Variants in ATP2B1 observed in about 807,000 individuals in gnomAD.
ATP2B1 encodes the protein plasma membrane calcium-transporting ATPase 1.
Under a neutral mutation model 124.2 loss-of-function variants are expected in ATP2B1, and 14 were observed. The ratio of observed to expected loss-of-function variants is 0.11; its 90% CI spans 0.07 to 0.18. The LOEUF is 0.18. ATP2B1 is among the 10% of genes least tolerant of loss of function. The probability of loss-of-function intolerance (pLI) is 1.00; values close to 1 mark genes in which losing one functional copy is unlikely to be tolerated. For synonymous variants in ATP2B1, 449 were observed against 492.4 expected, an observed-to-expected ratio of 0.91 and a Z score of 1.17; for missense variants, 763 against 1,466.1, an observed-to-expected ratio of 0.52 and a Z score of 7.83.
chr12:89,670,171 T>C (rs997860030), intron 1 of ATP2B1, among the ~76,000 whole-genome samples: 5 of 152,136 alleles, frequency 3.3e-5, no homozygotes, highest in Admixed American at 1.3e-4. Flanking sequence ...AAGATAGATA[T>C]AATCATGTAG....
chr12:89,627,791 TCA>T, intron 6 of ATP2B1, 75 bp from the exon 7 acceptor site: 2 of 1,464,088 alleles, frequency 1.4e-6, no homozygotes. Flanking sequence ...CAGAAGTAGT[TCA>T]CATTTCTATA....
At position 89,603,103 on chromosome 12, in the gene ATP2B1, G is replaced by T. The variant is rs770458245; in HGVS notation, c.3000C>A (p.Phe1000Leu). The T allele has an allele frequency of 1.2e-6, 2 of 1,613,726 alleles. No homozygotes were observed. The highest frequency in any genetic ancestry group is 1.7e-5 in the Admixed American group (1 of 59,984). The change falls in exon 18 of 21, where the codon TTC becomes TTA. Residue 1000 changes from phenylalanine (F) to leucine (L), a missense_variant. By Grantham distance (22) the Phe-to-Leu change is conservative (BLOSUM62 0). Coordinates refer to ENST00000428670, the MANE Select transcript of ATP2B1 (RefSeq NM_001366521.1). The surrounding 1 kb of genome is among the most constrained non-coding windows in gnomAD (Gnocchi z 4.3). ...AGATGGCATTGTTAAAGATTCCTTC[G>T]AATACATTTCTTTCACCATGAATTT... ...ARKIHGERNV[F>L]EGIFNNAIFC...
At chr12:89,647,306 T>C (rs959542178) in intron 2 of ATP2B1, among the ~76,000 whole-genome samples, 24 of 152,216 alleles carry the variant, frequency 1.6e-4, no homozygotes. Flanking sequence ...AATTACATGC[T>C]TTTGGGGTCT....
chr12:89,599,442 TTCTC>T, intron 19 of ATP2B1, 143 bp from the exon 20 acceptor site: 1 of 884,168 alleles, frequency 1.1e-6, no homozygotes, highest in South Asian at 2.0e-5. Flanking sequence ...TGATTAGTCT[TTCTC>T]TCCCAGAGCA....
At chr12:89,662,045 C>T (rs909349798) in intron 1 of ATP2B1, among the ~76,000 whole-genome samples, 33 of 151,978 alleles carry the variant, frequency 2.2e-4, no homozygotes, top group African/African-American at 8.0e-4. Flanking sequence ...ATTTATGGCC[C>T]ATTACACTGA....
At chr12:89,705,488 AG>A (rs1271669111) in intron 1 of ATP2B1, among the ~76,000 whole-genome samples, 1 of 152,158 alleles carries the variant, frequency 6.6e-6, no homozygotes, top group Non-Finnish European at 1.5e-5. Flanking sequence ...GTAAAATGTA[AG>A]GGAAAAAAAC....
intron 1 of ATP2B1, among the ~76,000 whole-genome samples, chr12:89,677,956 A>ATATATATATATGTATG: frequency 3.1e-5 from 1 of 32,498 alleles, no homozygotes; most frequent in South Asian, 1.1e-3. Context: ...TGCAGGAATT[A>ATATATATATATGTATG]TATATATATA....
intron 1 of ATP2B1, among the ~76,000 whole-genome samples, chr12:89,704,792 C>A (rs1000591966): frequency 1.3e-5 from 2 of 152,056 alleles, no homozygotes; most frequent in Non-Finnish European, 1.5e-5. Context: ...TCTTTGGGCA[C>A]CTGCTGTAAA....
At chr12:89,634,305 G>A (rs1281103712) in intron 5 of ATP2B1, among the ~76,000 whole-genome samples, 1 of 152,144 alleles carries the variant, frequency 6.6e-6, no homozygotes, top group African/African-American at 2.4e-5. Context: ...GCAGTTAAAG[G>A]AGTTGGATTA....
At chr12:89,599,003 A>G in intron 20 of ATP2B1, 114 bp downstream of exon 20, 1 of 1,259,208 alleles carries the variant, frequency 7.9e-7, no homozygotes, top group South Asian at 1.5e-5. Context: ...AGAGAATACA[A>G]TTTGTGGGTT....
chr12:89,607,760 T>C (rs926249744), intron 15 of ATP2B1, among the ~76,000 whole-genome samples: 1 of 152,190 alleles, frequency 6.6e-6, no homozygotes, highest in African/African-American at 2.4e-5. Flanking sequence ...ATTGTTACAC[T>C]ATATTATTTA....
intron 11 of ATP2B1, 143 bp downstream of exon 11, chr12:89,619,856 G>C: frequency 9.7e-7 from 1 of 1,032,270 alleles, no homozygotes; most frequent in South Asian, 1.7e-5. Flanking sequence ...CAAATATCTG[G>C]ATACCATAAA....
intron 1 of ATP2B1, among the ~76,000 whole-genome samples, chr12:89,660,000 T>A (rs1390601575): frequency 6.7e-6 from 1 of 149,218 alleles, no homozygotes; most frequent in East Asian, 2.0e-4. Flanking sequence ...TTAGAAAAAC[T>A]AAATAAATAT....
chr12:89,646,883 A>G (rs1436094321), intron 2 of ATP2B1, among the ~76,000 whole-genome samples: 1 of 152,198 alleles, frequency 6.6e-6, no homozygotes, highest in Non-Finnish European at 1.5e-5. Context: ...ACTTAATGAC[A>G]ATGATCAAGT....
At chr12:89,626,409 G>A in intron 8 of ATP2B1, 45 bp downstream of exon 8, 1 of 1,527,518 alleles carries the variant, frequency 6.5e-7, no homozygotes, top group Non-Finnish European at 8.8e-7. Flanking sequence ...TAAGCAGAAA[G>A]CATACTTAAA....
At chr12:89,629,556 G>A (rs1432787662) in intron 6 of ATP2B1, among the ~76,000 whole-genome samples, 1 of 152,120 alleles carries the variant, frequency 6.6e-6, no homozygotes, top group Non-Finnish European at 1.5e-5. Flanking sequence ...TCGAAATAGA[G>A]ATTTTATAGC....
At chr12:89,601,842 A>G (rs1407131332) in intron 18 of ATP2B1, among the ~76,000 whole-genome samples, 1 of 151,620 alleles carries the variant, frequency 6.6e-6, no homozygotes, top group East Asian at 1.9e-4. Context: ...AAAATATAGT[A>G]CTCTTTTGTA....
chr12:89,687,188 C>T (rs532376660), intron 1 of ATP2B1, among the ~76,000 whole-genome samples: 1 of 152,074 alleles, frequency 6.6e-6, no homozygotes, highest in Non-Finnish European at 1.5e-5. Flanking sequence ...CAAGGACAAA[C>T]CACAGATTTG....
At chr12:89,606,924 C>G (rs1237195812) in intron 15 of ATP2B1, among the ~76,000 whole-genome samples, 3 of 152,098 alleles carry the variant, frequency 2.0e-5, no homozygotes, top group African/African-American at 7.2e-5. Context: ...TTTCTTGATT[C>G]TCATCATACC....
Sources: gnomAD v4.1 joint callset for allele counts (sites outside exome capture counted in the v4.1 genomes callset) on GRCh38, gnomAD v4.1.1 for gene constraint, Gnocchi (gnomAD v3.1) non-coding constraint, MANE v1.5 for transcripts, NCBI Gene and HGNC (gene_info 2026-07-23, HGNC 2026-07-21) for gene names.